DOCK8: variants seen among roughly 807,000 people sequenced by gnomAD.
The protein encoded by DOCK8 is dedicator of cytokinesis protein 8.
In DOCK8, 141 loss-of-function variants were observed where a neutral mutation model predicts 245.6. That is an observed-to-expected ratio of 0.57 (90% CI 0.50 to 0.66). The LOEUF is 0.66. Among genes scored for constraint, DOCK8 ranks in the 30% least tolerant of loss-of-function variants. The pLI, the probability that DOCK8 is intolerant of heterozygous loss-of-function variation, is 0.00. For synonymous variants in DOCK8, 1,168 were observed against 970.2 expected (o/e 1.20, Z -3.79); for missense variants, 2,965 against 2,603.4 (o/e 1.14, Z -3.02).
intron 2 of DOCK8, among the ~76,000 whole-genome samples, chr9:274,474 TTC>T (rs1491271853): frequency 5.0e-5 from 7 of 138,874 alleles, no homozygotes; most frequent in Non-Finnish European, 7.9e-5. Context: ...TCTTTTTTTT[TTC>T]TTTTCTTTCT....
At chr9:326,724 A>G (rs2050780686) in intron 8 of DOCK8, among the ~76,000 whole-genome samples, 1 of 152,184 alleles carries the variant, frequency 6.6e-6, no homozygotes, top group Non-Finnish European at 1.5e-5. Context: ...CATCTTCAGT[A>G]TGTTCTCTCC....
At chr9:379,378 G>A (rs1484941565) in intron 20 of DOCK8, among the ~76,000 whole-genome samples, 2 of 152,136 alleles carry the variant, frequency 1.3e-5, no homozygotes, top group African/African-American at 4.8e-5. Context: ...TGCAGAACCT[G>A]ATTAATACAC....
rs571400001 is a variant in DOCK8 at position 328,084 on chromosome 9, C to T, written c.957C>T (p.His319=). The change falls in exon 9 of 48, where the codon CAC becomes CAT. Residue 319 remains histidine (H), a synonymous_variant. Transcript: ENST00000432829. ...SDQFKGFLRA[H]TPSVAASSQA... ...AGTTCAAAGGATTTCTGCGAGCTCA[C>T]ACGCCTTCAGTGGCCGCATCAAGTC... 6.2e-7 allele frequency: 1 copy of T among 1,614,200 alleles called. No homozygotes were observed. The highest frequency in any genetic ancestry group is 2.2e-5 in the East Asian group (1 of 44,876).
Position 355,617 on chromosome 9 carries a change from C to G in DOCK8, c.1680-12401C>G, listed in dbSNP as rs559531375. ...TGGAGTCCCTTACTAAACCACACTCCAAAGAAATAAGCCTGCAAAATAGGG... is the reference window on the plus strand; with the variant it reads ...TGGAGTCCCTTACTAAACCACACTCGAAAGAAATAAGCCTGCAAAATAGGG... On this transcript the variant is annotated intron_variant, in intron 14 of 47. Coordinates refer to ENST00000432829, the MANE Select transcript of DOCK8 (RefSeq NM_203447.4). 2.0e-5 allele frequency among the ~76,000 whole-genome samples: 3 copies of G among 152,280 alleles called. No homozygotes were observed. In the East Asian group the frequency reaches 5.8e-4, roughly 29 times the overall value.
intron 7 of DOCK8, among the ~76,000 whole-genome samples, chr9:317,443 G>A (rs182595088): frequency 1.3e-5 from 2 of 152,234 alleles, no homozygotes; most frequent in Non-Finnish European, 2.9e-5. Context: ...TGCTGGAGTC[G>A]ACTGTACTAA....
chr9:334,184 C>G (rs749242881), intron 10 of DOCK8, 41 bp from the exon 11 acceptor site: 1 of 1,612,750 alleles, frequency 6.2e-7, no homozygotes, highest in Non-Finnish European at 8.5e-7. Context: ...TGACTTGGTG[C>G]TGATGCTTGT....
intron 14 of DOCK8, among the ~76,000 whole-genome samples, chr9:360,152 CT>C (rs2052652794): frequency 6.6e-6 from 1 of 151,802 alleles, no homozygotes. Context: ...CCCATCTCTA[CT>C]AAAAATACAA....
intron 2 of DOCK8, among the ~76,000 whole-genome samples, chr9:283,912 A>G (rs1201518332): frequency 6.6e-6 from 1 of 152,248 alleles, no homozygotes; most frequent in East Asian, 1.9e-4. Context: ...GAAAAATTCA[A>G]AACTCTGAAA....
intron 24 of DOCK8, among the ~76,000 whole-genome samples, chr9:395,048 G>T (rs547708702): frequency 6.6e-6 from 1 of 152,290 alleles, no homozygotes; most frequent in Admixed American, 6.5e-5. Flanking sequence ...AAACAAAGAG[G>T]CCTTATCTTC....
At position 390,685 on chromosome 9, in the gene DOCK8, A is replaced by G. The variant is rs1441448318; in HGVS notation, c.2970+119A>G. The G allele has an allele frequency of 3.5e-6, 3 of 867,896 alleles. No individual in the cohort carries two copies. In the Admixed American group the frequency reaches 5.9e-5, roughly 17 times the overall value. The allele number at this position is 867,896 out of a possible 1,614,324, so 53.8% of individuals were successfully genotyped here. A position where few individuals can be genotyped will look rare whatever the true frequency, so the allele number is the denominator to read the frequency against. On this transcript the variant is annotated intron_variant, in intron 24 of 47. Coordinates refer to ENST00000432829, the MANE Select transcript of DOCK8 (RefSeq NM_203447.4). Reference sequence around the variant, plus strand: ...CTGAAAACCTGGGGTGGTTTCTTGAAATCTAATAATCTCTCACCCCTCCCA... The same window carrying G: ...CTGAAAACCTGGGGTGGTTTCTTGAGATCTAATAATCTCTCACCCCTCCCA...
Position 379,947 on chromosome 9 carries a change from CTGAGTGTGGGA to C in DOCK8, c.2605+13_2605+23del, listed in dbSNP as rs2053675435. On this transcript the variant is annotated intron_variant, in intron 21 of 47. Transcript: ENST00000432829. ...TGTGCCCAAGTCAGGTAGAGTTGCC[CTGAGTGTGGGA>C]CTCTGGTGGGCGGGGCAACACCACC... The C allele has an allele frequency of 6.2e-7, 1 of 1,612,996 alleles. No homozygotes were observed. The highest frequency in any genetic ancestry group is 1.3e-5 in the African/African-American group (1 of 74,930).
At position 464,936 on chromosome 9, in the gene DOCK8, C is replaced by G. The variant is rs1346171637; in HGVS notation, c.*717C>G. ...AGTCAGCCAGAAATCACAGATACTGCTTTCACTTAAATGGAAACAATTCTC... is the reference window on the plus strand; with the variant it reads ...AGTCAGCCAGAAATCACAGATACTGGTTTCACTTAAATGGAAACAATTCTC... On this transcript the variant is annotated 3_prime_UTR_variant, in exon 48 of 48. Coordinates refer to ENST00000432829, the MANE Select transcript of DOCK8 (RefSeq NM_203447.4). 6.5e-6 allele frequency: 1 copy of G among 152,886 alleles called. No individual in the cohort carries two copies. Among genetic ancestry groups the G allele is most frequent in the Non-Finnish European group, 1.5e-5 (1 of 68,572 alleles). The allele number at this position is 152,886 out of a possible 1,614,324, so 9.5% of individuals were successfully genotyped here. A position where few individuals can be genotyped will look rare whatever the true frequency, so the allele number is the denominator to read the frequency against.
At chr9:333,707 T>C (rs1484849006) in intron 10 of DOCK8, among the ~76,000 whole-genome samples, 1 of 112,342 alleles carries the variant, frequency 8.9e-6, no homozygotes, top group Non-Finnish European at 1.9e-5. Context: ...AGGCATTTTT[T>C]TTTTAAAATC....
In DOCK8 at chr9:441,409, G is replaced by T. The variant is rs532879343; in HGVS notation, c.5347G>T (p.Val1783Phe). Residue 1783 changes from valine to phenylalanine, a missense_variant, in exon 41 of 48, where the codon GTT becomes TTT. Physicochemically the swap from Val to Phe is conservative, Grantham distance 50. Transcript: ENST00000432829. ...GCTGCAGAGAGCCTTCGACAGCATC[G>T]TTAACAAGGTAGCCGGGGAGCCTGG... ...SKLQRAFDSI[V>F]NKDHKRMFGT... 2.5e-6 allele frequency: 4 copies of T among 1,614,178 alleles called. No homozygotes were observed. The African/African-American group carries it at 5.3e-5, about 22-fold the overall frequency.
intron 15 of DOCK8, chr9:368,522 A>ACG (rs965550851): frequency 1.9e-4 from 100 of 536,754 alleles, no homozygotes; most frequent in African/African-American, 1.7e-3. Flanking sequence ...ATACACACAC[A>ACG]GTGTTACACA....
At chr9:330,369 A>G (rs2050955803) in intron 9 of DOCK8, among the ~76,000 whole-genome samples, 1 of 152,188 alleles carries the variant, frequency 6.6e-6, no homozygotes, top group Non-Finnish European at 1.5e-5. Context: ...AGTTTGAGAA[A>G]ACACAAAGCA....
intron 3 of DOCK8, among the ~76,000 whole-genome samples, chr9:288,473 A>T (rs2048912824): frequency 6.6e-6 from 1 of 152,226 alleles, no homozygotes; most frequent in South Asian, 2.1e-4. Context: ...TATGGTGCTG[A>T]TTGAGAATTA....
intron 1 of DOCK8, among the ~76,000 whole-genome samples, chr9:270,161 T>C (rs1272345745): frequency 2.0e-5 from 3 of 152,236 alleles, no homozygotes; most frequent in African/African-American, 7.2e-5. Flanking sequence ...TCCTAGTTTT[T>C]CCTTATACTT....
intron 14 of DOCK8, chr9:366,291 A>G (rs2052995733): frequency 6.6e-6 from 1 of 152,564 alleles, no homozygotes; most frequent in Non-Finnish European, 1.5e-5. Context: ...TGCTCCCAGC[A>G]CCAGGCCAGC....
Sources: gnomAD v4.1 joint callset for allele counts (sites outside exome capture counted in the v4.1 genomes callset) on GRCh38, gnomAD v4.1.1 for gene constraint, MANE v1.5 for transcripts, NCBI Gene and HGNC (gene_info 2026-07-23, HGNC 2026-07-21) for gene names.